FAH: variants seen among roughly 807,000 people sequenced by gnomAD.
FAH encodes the protein fumarylacetoacetase.
A neutral mutation model predicts 55.8 loss-of-function variants in FAH; 47 were observed. The observed-to-expected ratio is 0.84, with a 90% CI of 0.67 to 1.07. FAH has a LOEUF of 1.07. FAH is among the 50% of genes least tolerant of loss of function. FAH has a pLI of 0.00. For missense variants in FAH, 495 were observed against 545.9 expected (o/e 0.91, Z 0.93); for synonymous variants, 199 against 207.7 (o/e 0.96, Z 0.36).
In FAH at chr15:80,159,840, C is replaced by G; in HGVS notation, c.277C>G (p.Gln93Glu). 1.2e-6 allele frequency: 2 copies of G among 1,614,236 alleles called. No individual in the cohort carries two copies. The highest frequency in any genetic ancestry group is 1.1e-5 in the South Asian group (1 of 91,088). The change falls in exon 3 of 14, where the codon CAA becomes GAA. Residue 93 changes from glutamine (Q) to glutamate (E), a missense_variant. Coordinates refer to ENST00000561421, the MANE Select transcript of FAH (RefSeq NM_000137.4). ...CTTGCAGAACTTGCTGTCTGTGAGC[C>G]AAGCCAGGCTCAGAGATGACACCGA... ...VFLQNLLSVS[Q>E]ARLRDDTELR...
chr15:80,168,485 C>T, intron 7 of FAH, 169 bp downstream of exon 7: 1 of 660,910 alleles, frequency 1.5e-6, no homozygotes, highest in Non-Finnish European at 2.7e-6. Flanking sequence ...ATCCTTATTA[C>T]TTGCAGATTC....
At chr15:80,166,862 C>A (rs1410498148) in intron 5 of FAH, 1 of 151,396 alleles carries the variant, frequency 6.6e-6, no homozygotes, top group Non-Finnish European at 1.5e-5. Flanking sequence ...GTCTCGATCT[C>A]CTGACCTTGT....
chr15:80,163,512 G>C (rs999502252), intron 5 of FAH: 1 of 152,246 alleles, frequency 6.6e-6, no homozygotes, highest in Admixed American at 6.5e-5. Flanking sequence ...AGTGTTGACT[G>C]TGTCTGAAAC....
chr15:80,153,177 GGA>G, intron 1 of FAH, 42 bp downstream of exon 1: 1 of 860,206 alleles, frequency 1.2e-6, no homozygotes. Flanking sequence ...GGGAGGGAGT[GGA>G]GTGGAGTGGA....
intron 7 of FAH, among the ~76,000 whole-genome samples, chr15:80,171,530 G>C (rs796788196): frequency 6.6e-6 from 1 of 152,068 alleles, no homozygotes; most frequent in Non-Finnish European, 1.5e-5. Flanking sequence ...GCGTGATCTC[G>C]GCCTGCTGCA....
intron 11 of FAH, among the ~76,000 whole-genome samples, chr15:80,179,746 C>T (rs570863307): frequency 7.2e-5 from 11 of 152,314 alleles, no homozygotes; most frequent in Admixed American, 2.0e-4. Context: ...TCTCCCAATA[C>T]GGGACTGGAG....
chr15:80,154,576 CAT>C (rs1243358044), intron 1 of FAH, among the ~76,000 whole-genome samples: 2 of 152,246 alleles, frequency 1.3e-5, no homozygotes, highest in African/African-American at 4.8e-5. Context: ...TCTCTGCAGG[CAT>C]TGGACATTCC....
chr15:80,177,606 C>T (rs1002127600), intron 11 of FAH, 23 bp downstream of exon 11: 2 of 1,607,462 alleles, frequency 1.2e-6, no homozygotes, highest in Non-Finnish European at 1.7e-6. Context: ...GCTGATCAGA[C>T]TGCTTTTTAG....
chr15:80,160,741 C>G lies in FAH; in HGVS notation c.364+282C>G, dbSNP rs111852050. Among the ~76,000 whole-genome samples, 1,055 of 152,312 alleles carry G rather than the reference C, an allele frequency of 6.9e-3. 5 individuals are homozygous for G. Among genetic ancestry groups the G allele is most frequent in the Admixed American group, 0.01 (156 of 15,304 alleles). ...TGCACAGCAAATTGCTTTCCTTCCCCCAAAGGCTATGGGACAAATTCTCTG... is the reference window on the plus strand; with the variant it reads ...TGCACAGCAAATTGCTTTCCTTCCCGCAAAGGCTATGGGACAAATTCTCTG... On this transcript the variant is annotated intron_variant, in intron 4 of 13. Transcript: ENST00000561421.
Position 80,157,885 on chromosome 15 carries a change from G to C in FAH, c.82-175G>C, listed in dbSNP as rs116061033. The C allele has an allele frequency of 6.4e-4, 413 of 645,892 alleles. 1 individual carries two copies. Among genetic ancestry groups the C allele is most frequent in the African/African-American group, 6.4e-3 (349 of 54,934 alleles). The allele number at this position is 645,892 out of a possible 1,614,324, so 40.0% of individuals were successfully genotyped here. ...TTTTCCTTTTAGTTCTGGAAGCAGA[G>C]ATGGCACAAGGGAGCTGGGGCAGGA... On this transcript the variant is annotated intron_variant, in intron 1 of 13. Transcript: ENST00000561421.
At chr15:80,175,187 G>T in intron 10 of FAH, 96 bp downstream of exon 10, 1 of 1,106,252 alleles carries the variant, frequency 9.0e-7, no homozygotes, top group South Asian at 1.2e-5. Flanking sequence ...CAAGGGTGAG[G>T]GCACGTGCTA....
In FAH at chr15:80,181,088, C is replaced by G; in HGVS notation, c.1109C>G (p.Thr370Arg). Residue 370 changes from threonine to arginine, a missense_variant, in exon 13 of 14, where the codon ACG (threonine) becomes AGG (arginine). Coordinates refer to ENST00000561421, the MANE Select transcript of FAH (RefSeq NM_000137.4). ...GSMLELSWKG[T>R]KPIDLGNGQT... ...ATGTTGGAACTGTCGTGGAAGGGAA[C>G]GAAGCCCATAGACCTGGGGAATGGT... 6.2e-7 allele frequency: 1 copy of G among 1,613,862 alleles called. No individual in the cohort carries two copies. The highest frequency in any genetic ancestry group is 8.5e-7 in the Non-Finnish European group (1 of 1,179,814).
At chr15:80,168,206 A>G (rs375045126) in intron 6 of FAH, 57 bp downstream of exon 6, 15 of 1,607,992 alleles carry the variant, frequency 9.3e-6, no homozygotes, top group Non-Finnish European at 1.2e-5. Flanking sequence ...TCCCACACAG[A>G]GAGTTCTGTG....
intron 10 of FAH, among the ~76,000 whole-genome samples, chr15:80,176,402 C>G (rs1211196607): frequency 1.3e-5 from 2 of 152,222 alleles, no homozygotes; most frequent in Non-Finnish European, 2.9e-5. Flanking sequence ...GGTCTCGGCC[C>G]TTCATGAGGT....
chr15:80,153,248 T>G (rs1053103770), intron 1 of FAH, 113 bp downstream of exon 1: 35 of 873,652 alleles, frequency 4.0e-5, no homozygotes, highest in Non-Finnish European at 6.3e-5. Flanking sequence ...TGGAGGCTTG[T>G]GCCATTTTTC....
intron 2 of FAH, 80 bp downstream of exon 2, chr15:80,158,250 C>G (rs2041116947): frequency 2.0e-6 from 2 of 1,003,464 alleles, no homozygotes; most frequent in Non-Finnish European, 3.2e-6. Flanking sequence ...TCCTTGCGTT[C>G]CATTTCCGAT....
intron 1 of FAH, chr15:80,156,274 G>A (rs1294005760): frequency 2.4e-5 from 4 of 163,532 alleles, no homozygotes; most frequent in South Asian, 1.6e-4. Context: ...TATACCCACC[G>A]GTTATTCCTA....
intron 10 of FAH, among the ~76,000 whole-genome samples, chr15:80,175,981 T>G (rs970322297): frequency 2.0e-5 from 3 of 152,168 alleles, no homozygotes; most frequent in African/African-American, 7.2e-5. Flanking sequence ...CCAAATCTCC[T>G]TTTTAGCTCC....
chr15:80,180,000 G>A (rs1484455390), intron 11 of FAH, 124 bp from the exon 12 acceptor site: 2 of 733,088 alleles, frequency 2.7e-6, no homozygotes. Context: ...CTGGCTGGGG[G>A]AGCTGGGGAC....
Sources: gnomAD v4.1 joint callset for allele counts (sites outside exome capture counted in the v4.1 genomes callset) on GRCh38, gnomAD v4.1.1 for gene constraint, MANE v1.5 for transcripts, NCBI Gene and HGNC (gene_info 2026-07-23, HGNC 2026-07-21) for gene names.